Variants in SERPINB11 observed in about 807,000 individuals in gnomAD.
The protein encoded by SERPINB11 is serpin family B member 11.
A neutral mutation model predicts 36.7 loss-of-function variants in SERPINB11; 32 were observed. The ratio of observed to expected loss-of-function variants is 0.87; its 90% CI spans 0.66 to 1.17. SERPINB11 has a LOEUF of 1.17. SERPINB11 is among the 50% of genes most tolerant of loss of function. The pLI, the probability that SERPINB11 is intolerant of heterozygous loss-of-function variation, is 0.00. For missense variants in SERPINB11, 528 were observed against 458.4 expected, an observed-to-expected ratio of 1.15 and a Z score of -1.39; for synonymous variants, 174 against 168.1, an observed-to-expected ratio of 1.04 and a Z score of -0.27.
intron 5 of SERPINB11, among the ~76,000 whole-genome samples, chr18:63,719,675 G>A (rs1467034690): frequency 6.6e-6 from 1 of 152,028 alleles, no homozygotes; most frequent in African/African-American, 2.4e-5. Flanking sequence ...AATATTAAAA[G>A]TAAGCCACAA....
intron 1 of SERPINB11, among the ~76,000 whole-genome samples, chr18:63,709,903 A>G (rs1244819714): frequency 6.6e-6 from 1 of 152,208 alleles, no homozygotes; most frequent in African/African-American, 2.4e-5. Flanking sequence ...CTCCAGAACT[A>G]TTATAGATTA....
Position 63,711,394 on chromosome 18 carries a change from G to A in SERPINB11, c.228G>A (p.Lys76=). The A allele has an allele frequency of 6.3e-7, 1 of 1,593,702 alleles. No homozygotes were observed. The highest frequency in any genetic ancestry group is 8.6e-7 in the Non-Finnish European group (1 of 1,162,326). The change falls in exon 3 of 8, where the codon AAG becomes AAA. Residue 76 remains lysine, a splice_region_variant and synonymous_variant. Coordinates refer to ENST00000544088, the MANE Select transcript of SERPINB11 (RefSeq NM_001370475.1). Reference sequence around the variant, plus strand: ...AACCAGGGTTCAAGGACTCACCTAAGGTATGATAATATTACTGAGTTGTCA... The same window carrying A: ...AACCAGGGTTCAAGGACTCACCTAAAGTATGATAATATTACTGAGTTGTCA... ...SLKPGFKDSP[K]CSQAGRIHSE...
intron 1 of SERPINB11, among the ~76,000 whole-genome samples, chr18:63,709,762 C>T (rs150775251): frequency 0.014 from 2,060 of 152,190 alleles, 62 homozygotes; most frequent in African/African-American, 0.047. Flanking sequence ...AGCGGGTAGT[C>T]TAGTGGGAAA....
In SERPINB11 at chr18:63,716,157, G is replaced by C; in HGVS notation, c.475+5G>C. ...GGGTTGAAAATAAAACTAATGGTAA[G>C]GATAAGTCAATATGTGTCTCTAAAC... On this transcript the variant is annotated splice_donor_5th_base_variant and intron_variant, in intron 5 of 7. Coordinates refer to ENST00000544088, the MANE Select transcript of SERPINB11 (RefSeq NM_001370475.1). 1.3e-6 allele frequency: 2 copies of C among 1,545,922 alleles called. No individual in the cohort carries two copies.
At chr18:63,719,869 G>A (rs112249753) in intron 5 of SERPINB11, 144 bp from the exon 6 acceptor site, 1 of 575,666 alleles carries the variant, frequency 1.7e-6, no homozygotes, top group Admixed American at 3.6e-5. Flanking sequence ...AGGCTCCATG[G>A]CCAGGAGATG....
chr18:63,715,928 G>C, intron 4 of SERPINB11, 107 bp from the exon 5 acceptor site: 1 of 603,002 alleles, frequency 1.7e-6, no homozygotes, highest in Non-Finnish European at 2.9e-6. Flanking sequence ...TTGTTTATGG[G>C]AACTGCTTTT....
Position 63,720,826 on chromosome 18 carries a change from A to C in SERPINB11, c.619-5A>C. On this transcript the variant is annotated splice_region_variant and splice_polypyrimidine_tract_variant and intron_variant, in intron 6 of 7. Transcript: ENST00000544088. ...AGTATACTATAATCTTTTTCTTCTT[A>C]ACAGGGTAAAAATGTAACTGTGGAA... 1 of 1,546,264 alleles carries C rather than the reference A, an allele frequency of 6.5e-7. No homozygotes were observed. The highest frequency in any genetic ancestry group is 8.7e-7 in the Non-Finnish European group (1 of 1,143,682).
intron 6 of SERPINB11, 90 bp from the exon 7 acceptor site, chr18:63,720,741 A>T: frequency 1.1e-6 from 1 of 902,238 alleles, no homozygotes; most frequent in Non-Finnish European, 1.7e-6. Flanking sequence ...TAGAGTGTTC[A>T]TGCAGATATC....
chr18:63,713,034 A>G (rs1452543456), intron 4 of SERPINB11, among the ~76,000 whole-genome samples: 4 of 152,230 alleles, frequency 2.6e-5, no homozygotes, highest in African/African-American at 9.6e-5. Context: ...TGGAGTATCA[A>G]GAAGTAGTTG....
At chr18:63,720,509 G>C in intron 6 of SERPINB11, 1 of 335,722 alleles carries the variant, frequency 3.0e-6, no homozygotes, top group Non-Finnish European at 5.3e-6. Flanking sequence ...CTTGAGGAAA[G>C]ATTAAAAAGA....
chr18:63,707,246 C>T (rs575805100), intron 1 of SERPINB11, among the ~76,000 whole-genome samples: 1 of 152,220 alleles, frequency 6.6e-6, no homozygotes, highest in South Asian at 2.1e-4. Flanking sequence ...GGTGGGCAAC[C>T]AACATTTTTT....
At chr18:63,717,089 C>T (rs1268634248) in intron 5 of SERPINB11, among the ~76,000 whole-genome samples, 1 of 152,022 alleles carries the variant, frequency 6.6e-6, no homozygotes, top group African/African-American at 2.4e-5. Flanking sequence ...TCTCTGACTT[C>T]TGTTACCACT....
chr18:63,711,409 C>T lies in SERPINB11; in HGVS notation c.228+15C>T, dbSNP rs1265403184. 3 of 1,561,716 alleles carry T rather than the reference C, an allele frequency of 1.9e-6. No homozygotes were observed. The highest frequency in any genetic ancestry group is 3.4e-5 in the Admixed American group (2 of 59,606). On this transcript the variant is annotated intron_variant, in intron 3 of 7. Transcript: ENST00000544088. ...ACTCACCTAAGGTATGATAATATTA[C>T]TGAGTTGTCAAATGCTCTTTAACCT...
intron 4 of SERPINB11, among the ~76,000 whole-genome samples, chr18:63,713,254 G>A (rs1914575606): frequency 6.6e-6 from 1 of 152,118 alleles, no homozygotes; most frequent in South Asian, 2.1e-4. Flanking sequence ...ATTCTGCTTA[G>A]CTCATTACAA....
intron 1 of SERPINB11, among the ~76,000 whole-genome samples, chr18:63,709,785 G>C (rs985987151): frequency 3.3e-5 from 5 of 152,102 alleles, no homozygotes; most frequent in African/African-American, 1.2e-4. Flanking sequence ...ATCTCGACTG[G>C]CTGATCGTGT....
chr18:63,710,152 T>G, intron 1 of SERPINB11, 27 bp from the exon 2 acceptor site: 1 of 1,550,168 alleles, frequency 6.5e-7, no homozygotes, highest in Non-Finnish European at 8.7e-7. Flanking sequence ...AGTGATGTTC[T>G]GAGAATTTTT....
At position 63,723,037 on chromosome 18, in the gene SERPINB11, AG is replaced by A; in HGVS notation, c.818del (p.Ser273ThrfsTer5). On this transcript the variant is annotated frameshift_variant, in exon 8 of 8. Transcript: ENST00000544088. LOFTEE classifies it low-confidence loss of function (END_TRUNC). ...TTCGGGGACGTTTCATGAGTGGACA[AG>A]CTCTTCTAACATGATGGAAAGAGAA... ...LNSGTFHEWT[S>X]SSNMMEREVE... 6.3e-7 allele frequency: 1 copy of A among 1,596,138 alleles called. No individual in the cohort carries two copies. Among genetic ancestry groups the A allele is most frequent in the African/African-American group, 1.3e-5 (1 of 74,508 alleles).
chr18:63,711,506 T>G (rs974437400), intron 3 of SERPINB11, 112 bp downstream of exon 3: 5 of 769,898 alleles, frequency 6.5e-6, no homozygotes, highest in African/African-American at 5.2e-5. Flanking sequence ...GGGAACCAGC[T>G]ATGTGTCCCC....
At chr18:63,718,959 G>A (rs1458851106) in intron 5 of SERPINB11, among the ~76,000 whole-genome samples, 1 of 151,910 alleles carries the variant, frequency 6.6e-6, no homozygotes, top group East Asian at 1.9e-4. Context: ...TGGGAAATCT[G>A]TATTGAGAGT....
Sources: allele counts gnomAD v4.1 joint callset (sites outside exome capture counted in the v4.1 genomes callset), GRCh38; gene constraint gnomAD v4.1.1; transcripts MANE v1.5; gene names NCBI Gene and HGNC (gene_info 2026-07-23, HGNC 2026-07-21).